FRMD6: variants seen among roughly 807,000 people sequenced by gnomAD.
FRMD6 encodes the protein FERM domain-containing protein 6.
In FRMD6, 37 loss-of-function variants were observed where a neutral mutation model predicts 73.2. The observed-to-expected ratio is 0.51, with a 90% CI of 0.39 to 0.66. FRMD6 has a LOEUF of 0.66. Ranked by LOEUF, FRMD6 falls within the 30% of genes least tolerant of loss-of-function variation. FRMD6 has a pLI of 0.00. For synonymous variants in FRMD6, 273 were observed against 282.2 expected (o/e 0.97, Z 0.33); for missense variants, 714 against 780.5 (o/e 0.91, Z 1.02).
the FRMD6 span, among the ~76,000 whole-genome samples, chr14:51,440,718 G>C: frequency 2.0e-5 from 3 of 152,162 alleles, no homozygotes; most frequent in Non-Finnish European, 2.9e-5. Flanking sequence ...GAGAGAGAGA[G>C]AGAAGCAATA....
At chr14:51,657,469 A>G (rs1892915643) in intron 1 of FRMD6, among the ~76,000 whole-genome samples, 1 of 152,226 alleles carries the variant, frequency 6.6e-6, no homozygotes, top group African/African-American at 2.4e-5. Flanking sequence ...ATGCAATAAA[A>G]TACACATTTT....
chr14:51,409,713 T>C, the FRMD6 span, among the ~76,000 whole-genome samples: 122,186 of 152,132 alleles, frequency 0.8, 49,451 homozygotes, highest in East Asian at 0.91. Context: ...ATCCTCCCAC[T>C]TCAGTATCCT....
chr14:51,673,119 C>A (rs756875673), intron 1 of FRMD6, among the ~76,000 whole-genome samples: 1 of 152,148 alleles, frequency 6.6e-6, no homozygotes, highest in African/African-American at 2.4e-5. Context: ...GAGGTGATAT[C>A]CTTCACACTA....
At chr14:51,620,461 C>G (rs1320751864) in intron 2 of FRMD6, among the ~76,000 whole-genome samples, 3 of 151,952 alleles carry the variant, frequency 2.0e-5, no homozygotes, top group Admixed American at 1.3e-4. Flanking sequence ...TGACTGAGTC[C>G]TCACCGAGAA....
chr14:51,705,603 A>T (rs1896579546), intron 6 of FRMD6, among the ~76,000 whole-genome samples: 1 of 152,108 alleles, frequency 6.6e-6, no homozygotes, highest in Non-Finnish European at 1.5e-5. Context: ...GAAAGTGGGG[A>T]GGGAAAGAAG....
In FRMD6 at chr14:51,728,774, G is replaced by A. The variant is rs1898119649; in HGVS notation, c.*745G>A. ...TTATATTCATGTTGTAATGCATTTT[G>A]TGGAGTTTACAAAACCAGTGTCTGT... On this transcript the variant is annotated 3_prime_UTR_variant, in exon 14 of 14. Coordinates refer to ENST00000344768, the MANE Select transcript of FRMD6 (RefSeq NM_001267046.2). 1 of 152,594 alleles carries A rather than the reference G, an allele frequency of 6.6e-6. No homozygotes were observed. The highest frequency in any genetic ancestry group is 1.5e-5 in the Non-Finnish European group (1 of 68,028). The allele number at this position is 152,594 out of a possible 1,614,324, so 9.5% of individuals were successfully genotyped here. A position where few individuals can be genotyped will look rare whatever the true frequency, so the allele number is the denominator to read the frequency against.
Position 51,494,172 on chromosome 14 carries a change from C to A in FRMD6, c.-210+4752C>A, listed in dbSNP as rs1408928330. Among the ~76,000 whole-genome samples the A allele has an allele frequency of 2.6e-5, 4 of 152,182 alleles. No homozygotes were observed. The East Asian group carries it at 7.7e-4, about 29-fold the overall frequency. ...TTCATGCAAAATACATTCATTGCAT[C>A]CCAATAGCGCCAAGAGTCTTAACTT... On this transcript the variant is annotated intron_variant, in intron 1 of 14. Coordinates refer to the FRMD6 transcript ENST00000356218.
the FRMD6 span, among the ~76,000 whole-genome samples, chr14:51,422,079 C>T: frequency 2.6e-5 from 4 of 152,274 alleles, no homozygotes; most frequent in South Asian, 2.1e-4. Context: ...TTTCTTAAAA[C>T]CTTTTTTATA....
chr14:51,472,348 G>A, the FRMD6 span, among the ~76,000 whole-genome samples: 1 of 152,024 alleles, frequency 6.6e-6, no homozygotes, highest in Non-Finnish European at 1.5e-5. Context: ...CTGTCGCCCA[G>A]GCTGGAGTGC....
At chr14:51,634,408 A>C (rs185585367) in intron 2 of FRMD6, among the ~76,000 whole-genome samples, 1 of 152,328 alleles carries the variant, frequency 6.6e-6, no homozygotes, top group African/African-American at 2.4e-5. Flanking sequence ...TTAATGAATG[A>C]ATGCTTATCC....
chr14:51,669,014 A>G (rs1893809268), intron 1 of FRMD6, among the ~76,000 whole-genome samples: 1 of 152,214 alleles, frequency 6.6e-6, no homozygotes, highest in African/African-American at 2.4e-5. Context: ...AATAAAATAA[A>G]CAAATTTTAA....
At chr14:51,651,694 G>A (rs1892395609), upstream of FRMD6, 1 of 151,992 alleles carries the variant, frequency 6.6e-6, no homozygotes, top group Non-Finnish European at 1.5e-5. Flanking sequence ...CGGGACGCTT[G>A]GTTGGGTCCA....
chr14:51,398,831 A>T, the FRMD6 span, among the ~76,000 whole-genome samples: 15,026 of 152,168 alleles, frequency 0.099, 914 homozygotes, highest in African/African-American at 0.16. Context: ...ACTCCAAATT[A>T]TCCTATCCAC....
intron 1 of FRMD6, among the ~76,000 whole-genome samples, chr14:51,518,486 T>C (rs1254948303): frequency 6.6e-6 from 1 of 152,186 alleles, no homozygotes; most frequent in African/African-American, 2.4e-5. Context: ...GGGATAAGTG[T>C]ACTAATGTTC....
intron 1 of FRMD6, among the ~76,000 whole-genome samples, chr14:51,511,767 C>A (rs1340024149): frequency 6.6e-6 from 1 of 152,006 alleles, no homozygotes; most frequent in Non-Finnish European, 1.5e-5. Context: ...AGGAGAAATA[C>A]CTAATGTAGG....
At chr14:51,543,214 T>C (rs17124136) in intron 1 of FRMD6, among the ~76,000 whole-genome samples, 4,420 of 152,102 alleles carry the variant, frequency 0.029, 119 homozygotes, top group Admixed American at 0.081. Context: ...ACCAAGATCC[T>C]ATCTGTTGAG....
At chr14:51,605,148 T>TC (rs1241306806) in intron 2 of FRMD6, among the ~76,000 whole-genome samples, 1 of 149,234 alleles carries the variant, frequency 6.7e-6, no homozygotes, top group African/African-American at 2.4e-5. Context: ...TCTTTTTTTT[T>TC]TTTTTTTTTT....
chr14:51,411,090 C>T, the FRMD6 span, among the ~76,000 whole-genome samples: 2 of 152,100 alleles, frequency 1.3e-5, no homozygotes, highest in African/African-American at 4.8e-5. Context: ...ACCATGTGTT[C>T]CCTCCTATCC....
chr14:51,536,076 TTTTATATATA>T (rs200956474), intron 1 of FRMD6, among the ~76,000 whole-genome samples: 1 of 140,836 alleles, frequency 7.1e-6, no homozygotes, highest in Non-Finnish European at 1.5e-5. Context: ...TATATATATA[TTTTATATATA>T]TATATATATA....
Sources: gnomAD v4.1 joint callset for allele counts (sites outside exome capture counted in the v4.1 genomes callset) on GRCh38, gnomAD v4.1.1 for gene constraint, MANE v1.5 for transcripts, NCBI Gene and HGNC (gene_info 2026-07-23, HGNC 2026-07-21) for gene names.